Variants in LINGO2 observed in about 807,000 individuals in gnomAD.
LINGO2 encodes the protein leucine-rich repeat and immunoglobulin-like domain-containing nogo receptor-interacting protein 2.
A neutral mutation model predicts 30.6 loss-of-function variants in LINGO2; 14 were observed. The observed-to-expected ratio is 0.46, with a 90% CI of 0.30 to 0.72. The LOEUF is 0.72. Ranked by LOEUF, LINGO2 falls within the 30% of genes least tolerant of loss-of-function variation. The pLI, the probability that LINGO2 is intolerant of heterozygous loss-of-function variation, is 0.07. For missense variants in LINGO2, 729 were observed against 751.7 expected (o/e 0.97, Z 0.35); for synonymous variants, 317 against 288.5 (o/e 1.10, Z -1.00).
At chr9:29,086,657 A>T in the LINGO2 span, among the ~76,000 whole-genome samples, 1 of 152,214 alleles carries the variant, frequency 6.6e-6, no homozygotes, top group Non-Finnish European at 1.5e-5. Context: ...AATTTTAGTT[A>T]AATTACACTA....
the LINGO2 span, among the ~76,000 whole-genome samples, chr9:28,923,284 G>A: frequency 1.3e-5 from 2 of 152,186 alleles, no homozygotes; most frequent in African/African-American, 4.8e-5. Context: ...GGCTCTTAAT[G>A]AGTACTCAAG....
chr9:27,973,950 T>C (rs1030951469), intron 5 of LINGO2, among the ~76,000 whole-genome samples: 3 of 152,112 alleles, frequency 2.0e-5, no homozygotes, highest in Admixed American at 2.0e-4. Flanking sequence ...ATAGATAAAA[T>C]ATATTGATTA....
At chr9:28,595,174 C>A (rs1005455734) in intron 1 of LINGO2, among the ~76,000 whole-genome samples, 1 of 152,158 alleles carries the variant, frequency 6.6e-6, no homozygotes. Context: ...TGAGAAAAAA[C>A]CCCTTTCAAT....
At chr9:28,252,648 A>G (rs1025702283) in intron 4 of LINGO2, among the ~76,000 whole-genome samples, 1 of 152,032 alleles carries the variant, frequency 6.6e-6, no homozygotes, top group Non-Finnish European at 1.5e-5. Context: ...TATTTACTAC[A>G]TATAAGAATA....
the LINGO2 span, among the ~76,000 whole-genome samples, chr9:28,843,713 G>A: frequency 5.9e-4 from 90 of 151,894 alleles, no homozygotes; most frequent in African/African-American, 2.1e-3. Context: ...AGTAAATAGT[G>A]TGTTGTTAGT....
the LINGO2 span, among the ~76,000 whole-genome samples, chr9:29,103,474 T>G: frequency 6.6e-6 from 1 of 152,024 alleles, no homozygotes; most frequent in South Asian, 2.1e-4. Context: ...ACATAATAAT[T>G]TATGCTCTAC....
At chr9:28,343,851 G>C (rs979805178) in intron 3 of LINGO2, among the ~76,000 whole-genome samples, 2 of 152,088 alleles carry the variant, frequency 1.3e-5, no homozygotes, top group Non-Finnish European at 2.9e-5. Context: ...ATTAAGTTTG[G>C]AGAGACTGAG....
chr9:28,557,407 C>A (rs1374060015), intron 1 of LINGO2, among the ~76,000 whole-genome samples: 1 of 152,112 alleles, frequency 6.6e-6, no homozygotes, highest in Non-Finnish European at 1.5e-5. Context: ...TGCTCATCAT[C>A]ACTGGCCATC....
chr9:28,971,987 G>A, the LINGO2 span, among the ~76,000 whole-genome samples: 2 of 152,328 alleles, frequency 1.3e-5, no homozygotes, highest in South Asian at 4.1e-4. Flanking sequence ...TAAGGGAAGA[G>A]AACAAGAGTC....
At chr9:28,304,667 G>C (rs1488798332) in intron 3 of LINGO2, among the ~76,000 whole-genome samples, 1 of 151,740 alleles carries the variant, frequency 6.6e-6, no homozygotes, top group African/African-American at 2.4e-5. Flanking sequence ...GTCTTTTTGT[G>C]GATATATGTT....
chr9:28,848,100 G>T, the LINGO2 span, among the ~76,000 whole-genome samples: 1 of 43,148 alleles, frequency 2.3e-5, no homozygotes, highest in Non-Finnish European at 4.7e-5. Flanking sequence ...TATACGCATA[G>T]TGTATATATA....
the LINGO2 span, among the ~76,000 whole-genome samples, chr9:28,735,700 T>C: frequency 6.6e-6 from 1 of 152,138 alleles, no homozygotes; most frequent in African/African-American, 2.4e-5. Context: ...GAAAAATCTA[T>C]GATCTATAAT....
rs867192358 is a variant in LINGO2, at chr9:28,364,884, T to C, written c.-246+7952A>G. On this transcript the variant is annotated intron_variant, in intron 3 of 5. Coordinates refer to ENST00000379992, the Ensembl canonical transcript of LINGO2. ...TGGCCTATATTCTCATTCATTCACA[T>C]ATTTATTTCATTCATTCAAATAACA... Among the ~76,000 whole-genome samples the C allele has an allele frequency of 4.6e-5, 7 of 152,358 alleles. No individual in the cohort carries two copies. In the South Asian group the frequency reaches 6.2e-4, roughly 14 times the overall value.
the LINGO2 span, among the ~76,000 whole-genome samples, chr9:28,875,241 A>G: frequency 1.3e-5 from 2 of 152,072 alleles, no homozygotes; most frequent in African/African-American, 4.8e-5. Context: ...GTTTACCTGT[A>G]TACAACACTA....
chr9:28,976,514 C>A, the LINGO2 span, among the ~76,000 whole-genome samples: 1 of 152,076 alleles, frequency 6.6e-6, no homozygotes, highest in Admixed American at 6.6e-5. Flanking sequence ...ATAACTGATT[C>A]TTGAGACTAA....
At chr9:28,700,766 C>T in the LINGO2 span, among the ~76,000 whole-genome samples, 1 of 152,170 alleles carries the variant, frequency 6.6e-6, no homozygotes, top group East Asian at 1.9e-4. Context: ...TCATGTCCAC[C>T]AGCAATGAAT....
At chr9:28,561,751 AT>A (rs1563826501) in intron 1 of LINGO2, among the ~76,000 whole-genome samples, 1 of 45,874 alleles carries the variant, frequency 2.2e-5, no homozygotes, top group African/African-American at 1.2e-4. Context: ...GTGTGTGTGT[AT>A]ATATATATAT....
chr9:29,028,282 A>G, the LINGO2 span, among the ~76,000 whole-genome samples: 1 of 152,138 alleles, frequency 6.6e-6, no homozygotes, highest in Admixed American at 6.6e-5. Flanking sequence ...CATATAAAAT[A>G]TATAGAATAT....
the LINGO2 span, among the ~76,000 whole-genome samples, chr9:29,029,191 T>G: frequency 6.6e-6 from 1 of 152,112 alleles, no homozygotes; most frequent in Non-Finnish European, 1.5e-5. Flanking sequence ...GCTTATAGTG[T>G]GGTGCAGGGA....
Sources: gnomAD v4.1 joint callset for allele counts (sites outside exome capture counted in the v4.1 genomes callset) on GRCh38, gnomAD v4.1.1 for gene constraint, MANE v1.5 for transcripts, NCBI Gene and HGNC (gene_info 2026-07-23, HGNC 2026-07-21) for gene names.